Variants in SPICE1 observed in about 807,000 individuals in gnomAD.
The protein encoded by SPICE1 is spindle and centriole associated protein 1.
A neutral mutation model predicts 102.7 loss-of-function variants in SPICE1; 75 were observed. The observed-to-expected ratio is 0.73, with a 90% confidence interval of 0.61 to 0.88. SPICE1 has a LOEUF of 0.88. Among genes scored for constraint, SPICE1 ranks in the 40% least tolerant of loss-of-function variants. The pLI is 0.00. For missense variants in SPICE1, 979 were observed against 1,020.1 expected, an observed-to-expected ratio of 0.96 and a Z score of 0.55; for synonymous variants, 308 against 350.3, an observed-to-expected ratio of 0.88 and a Z score of 1.35.
intron 12 of SPICE1, 44 bp downstream of exon 12, chr3:113,460,573 T>C (rs748838789): frequency 1.3e-6 from 2 of 1,562,124 alleles, no homozygotes; most frequent in Non-Finnish European, 1.7e-6. Context: ...TCTAAGGCCA[T>C]TAAGTAGTCT....
At chr3:113,512,405 CTTTTTTTTTTTT>C (rs34015506) in intron 1 of SPICE1, among the ~76,000 whole-genome samples, 1 of 104,410 alleles carries the variant, frequency 9.6e-6, no homozygotes, top group Admixed American at 1.1e-4. Flanking sequence ...GAAAAGCTTT[CTTTTTTTTTTTT>C]TTTTTTTTTT....
intron 14 of SPICE1, 36 bp from the exon 15 acceptor site, chr3:113,450,552 ACTG>A: frequency 6.5e-7 from 1 of 1,529,198 alleles, no homozygotes. Flanking sequence ...CAAATTGAAT[ACTG>A]AATACTGAAA....
intron 1 of SPICE1, among the ~76,000 whole-genome samples, chr3:113,510,903 AC>A (rs1488696419): frequency 2.0e-5 from 3 of 152,188 alleles, no homozygotes; most frequent in Non-Finnish European, 2.9e-5. Flanking sequence ...TCTACAAGGA[AC>A]TTAAATTGAC....
chr3:113,494,479 CTACTAAAAA>C (rs536415423), intron 4 of SPICE1, among the ~76,000 whole-genome samples: 122 of 152,000 alleles, frequency 8.0e-4, no homozygotes, highest in African/African-American at 2.9e-3. Context: ...AACCCCGTCT[CTACTAAAAA>C]TACAAAAAAT....
At chr3:113,474,365 A>T (rs1453127373) in intron 7 of SPICE1, among the ~76,000 whole-genome samples, 1 of 152,198 alleles carries the variant, frequency 6.6e-6, no homozygotes, top group Non-Finnish European at 1.5e-5. Flanking sequence ...CACTGTCAAC[A>T]TTAGACAGAT....
In SPICE1 at chr3:113,443,925, G is replaced by A. The variant is rs1935452495; in HGVS notation, c.*1382C>T. On this transcript the variant is annotated 3_prime_UTR_variant, in exon 18 of 18. Coordinates refer to ENST00000295872, the MANE Select transcript of SPICE1 (RefSeq NM_144718.4). ...ATAATTTTGTTTACAGCATAAGAAT[G>A]ATTATATGATAACTGTGGATGTTGT... The A allele has an allele frequency of 6.6e-6, 1 of 152,190 alleles. No homozygotes were observed. Among genetic ancestry groups the A allele is most frequent in the Non-Finnish European group, 1.5e-5 (1 of 68,042 alleles). The allele number at this position is 152,190 out of a possible 1,614,324, so 9.4% of individuals were successfully genotyped here.
At chr3:113,469,858 CAT>C in intron 7 of SPICE1, among the ~76,000 whole-genome samples, 1 of 152,224 alleles carries the variant, frequency 6.6e-6, no homozygotes, top group East Asian at 1.9e-4. Flanking sequence ...AGTAATTAAG[CAT>C]ATATGGCTCA....
intron 2 of SPICE1, among the ~76,000 whole-genome samples, chr3:113,505,424 G>A (rs1168490276): frequency 2.0e-5 from 3 of 151,940 alleles, no homozygotes; most frequent in South Asian, 2.1e-4. Flanking sequence ...GAGAAGTCCC[G>A]CTGCCCCACT....
chr3:113,491,792 G>A (rs2107493660), intron 6 of SPICE1, among the ~76,000 whole-genome samples: 1 of 152,046 alleles, frequency 6.6e-6, no homozygotes, highest in South Asian at 2.1e-4. Flanking sequence ...TTTTTCATCT[G>A]CTATCAGCTG....
intron 14 of SPICE1, among the ~76,000 whole-genome samples, chr3:113,452,340 C>T (rs1935673444): frequency 6.6e-6 from 1 of 152,182 alleles, no homozygotes; most frequent in Non-Finnish European, 1.5e-5. Context: ...TCAGCAAGAT[C>T]CCCAGATGAT....
In SPICE1 at chr3:113,453,840, T is replaced by C. The variant is rs138775235; in HGVS notation, c.1768A>G (p.Ile590Val). The C allele has an allele frequency of 1.5e-4, 239 of 1,614,102 alleles. No homozygotes were observed. Among genetic ancestry groups the C allele is most frequent in the Non-Finnish European group, 4.2e-5 (49 of 1,180,038 alleles). ...CGATTCTCTTCACTTGAATTCTGAA[T>C]GTCTGTATCAATAGGTAAGGTCTTC... ...EEKTLPIDTD[I>V]QNSSEENRLF... Residue 590 changes from isoleucine (I) to valine (V), a missense_variant, in exon 14 of 18, where the codon ATT (isoleucine) becomes GTT (valine). Ile to Val is a conservative substitution (Grantham distance 29). Transcript: ENST00000295872.
At chr3:113,491,547 T>A (rs1936764981) in intron 6 of SPICE1, among the ~76,000 whole-genome samples, 2 of 137,048 alleles carry the variant, frequency 1.5e-5, no homozygotes, top group African/African-American at 5.6e-5. Context: ...ATGGCGTGAA[T>A]CCGGGAGGCA....
intron 7 of SPICE1, among the ~76,000 whole-genome samples, chr3:113,487,014 A>C (rs911391305): frequency 1.3e-5 from 2 of 152,010 alleles, no homozygotes; most frequent in Non-Finnish European, 2.9e-5. Flanking sequence ...CACTACCCTG[A>C]AAACAGCTTT....
At chr3:113,502,697 C>CA (rs1937033642) in intron 3 of SPICE1, among the ~76,000 whole-genome samples, 3 of 70,996 alleles carry the variant, frequency 4.2e-5, no homozygotes, top group African/African-American at 1.7e-4. Context: ...TAAGTGGAAA[C>CA]ATAAAAAAAA....
chr3:113,507,482 A>AT (rs1553770956), intron 1 of SPICE1, among the ~76,000 whole-genome samples: 209 of 151,910 alleles, frequency 1.4e-3, no homozygotes, highest in African/African-American at 4.5e-3. Flanking sequence ...TTCCTTAAGT[A>AT]CTTTTTTTTA....
chr3:113,460,075 T>G (rs781683612), intron 12 of SPICE1: 2 of 985,290 alleles, frequency 2.0e-6, no homozygotes, highest in Non-Finnish European at 2.4e-6. Context: ...GTAAAACACA[T>G]GAAAAAACCA....
rs1011829322 is a variant in SPICE1 at position 113,457,211 on chromosome 3, GTGC to G, written c.1579_1581del (p.Ala527del). 1 of 1,614,064 alleles carries G rather than the reference GTGC, an allele frequency of 6.2e-7. No individual in the cohort carries two copies. The highest frequency in any genetic ancestry group is 8.5e-7 in the Non-Finnish European group (1 of 1,180,040). ...AACAACACAGCTGGCTCAAAAATAT[GTGC>G]TGGAAAATTCTTGGCCAGATTCATG... On this transcript the variant is annotated inframe_deletion, in exon 13 of 18. Coordinates refer to ENST00000295872, the MANE Select transcript of SPICE1 (RefSeq NM_144718.4).
intron 14 of SPICE1, among the ~76,000 whole-genome samples, chr3:113,451,396 TATTTC>T (rs1219619689): frequency 6.6e-6 from 1 of 152,194 alleles, no homozygotes; most frequent in African/African-American, 2.4e-5. Flanking sequence ...CAGTCCTAGT[TATTTC>T]ATTTCTCTTT....
intron 3 of SPICE1, among the ~76,000 whole-genome samples, chr3:113,500,202 T>G (rs1936981871): frequency 6.6e-6 from 1 of 152,130 alleles, no homozygotes; most frequent in South Asian, 2.1e-4. Flanking sequence ...TTCACTAAGG[T>G]GGGTTCACTA....
Sources: gnomAD v4.1 joint callset for allele counts (sites outside exome capture counted in the v4.1 genomes callset) on GRCh38, gnomAD v4.1.1 for gene constraint, MANE v1.5 for transcripts, NCBI Gene and HGNC (gene_info 2026-07-23, HGNC 2026-07-21) for gene names.